The following TNC variants were observed in gnomAD, a reference collection of about 807,000 sequenced individuals.
The protein encoded by TNC is tenascin.
In TNC, 109 loss-of-function variants were observed where a neutral mutation model predicts 202.4. The ratio of observed to expected loss-of-function variants is 0.54; its 90% CI spans 0.46 to 0.63. TNC has a LOEUF of 0.63. TNC is among the 30% of genes least tolerant of loss of function. The pLI is 0.00. For missense variants in TNC, 2,756 were observed against 2,833.3 expected, an observed-to-expected ratio of 0.97 and a Z score of 0.62; for synonymous variants, 1,007 against 1,089.7, an observed-to-expected ratio of 0.92 and a Z score of 1.50.
chr9:115,070,967 C>G (rs568489433), intron 10 of TNC, among the ~76,000 whole-genome samples: 1 of 152,314 alleles, frequency 6.6e-6, no homozygotes, highest in Middle Eastern at 3.4e-3. Flanking sequence ...TAAGCCTTTC[C>G]TGATTCTCTG....
chr9:115,066,038 A>C (rs1054170352), intron 10 of TNC, among the ~76,000 whole-genome samples: 13 of 152,184 alleles, frequency 8.5e-5, no homozygotes, highest in African/African-American at 1.9e-4. Flanking sequence ...ATATTAGTAA[A>C]GATCAGAGAC....
intron 14 of TNC, 28 bp downstream of exon 14, chr9:115,059,702 A>G: frequency 1.3e-6 from 2 of 1,547,864 alleles, no homozygotes; most frequent in Non-Finnish European, 1.7e-6. Flanking sequence ...AACCTTGGGG[A>G]GAAAGCATTG....
In TNC at chr9:115,113,410, G is replaced by A. The variant is rs539029718; in HGVS notation, c.-137+4572C>T. On this transcript the variant is annotated intron_variant, in intron 1 of 27. Coordinates refer to ENST00000350763, the MANE Select transcript of TNC (RefSeq NM_002160.4). ...GGGTGGGTGATAAGACTTACTAGAA[G>A]CTATGGTTGACTAAATGGCATGATG... Among the ~76,000 whole-genome samples the A allele has an allele frequency of 1.6e-4, 24 of 152,268 alleles. No individual in the cohort carries two copies. In the East Asian group the frequency reaches 3.7e-3, roughly 23 times the overall value.
chr9:115,087,740 C>A (rs192048323), intron 2 of TNC, among the ~76,000 whole-genome samples: 1 of 136,192 alleles, frequency 7.3e-6, no homozygotes, highest in East Asian at 2.2e-4. Context: ...CTTGCTCTGT[C>A]GCCCAGGCTG....
chr9:115,066,588 A>C (rs1425944517), intron 10 of TNC, among the ~76,000 whole-genome samples: 1 of 152,188 alleles, frequency 6.6e-6, no homozygotes, highest in Non-Finnish European at 1.5e-5. Flanking sequence ...GTCAGAGCAT[A>C]CACTCCTTCA....
intron 15 of TNC, chr9:115,055,702 C>G (rs1173312318): frequency 1.3e-5 from 2 of 152,268 alleles, no homozygotes; most frequent in Admixed American, 1.3e-4. Context: ...ACACACTGCC[C>G]CAGGTCATGT....
intron 1 of TNC, among the ~76,000 whole-genome samples, chr9:115,106,511 C>T (rs1470772922): frequency 2.6e-5 from 4 of 152,142 alleles, no homozygotes; most frequent in Admixed American, 2.6e-4. Context: ...TTGGGGTTTA[C>T]ATAACTATTT....
intron 14 of TNC, 56 bp from the exon 15 acceptor site, chr9:115,057,481 G>T: frequency 6.6e-7 from 1 of 1,511,068 alleles, no homozygotes. Flanking sequence ...TAATTATTTG[G>T]CTGTGTTTTA....
At chr9:115,087,527 GGTGTGTGTGTGTGTGTGTGTGT>G (rs57327715) in intron 2 of TNC, among the ~76,000 whole-genome samples, 2 of 148,734 alleles carry the variant, frequency 1.3e-5, no homozygotes, top group African/African-American at 5.0e-5. Context: ...TATGCATAGG[GGTGTGTGTGTGTGTGTGTGTGT>G]GTGTGTGTGT....
At chr9:115,070,690 A>C (rs1038770822) in intron 10 of TNC, among the ~76,000 whole-genome samples, 1 of 152,224 alleles carries the variant, frequency 6.6e-6, no homozygotes, top group Non-Finnish European at 1.5e-5. Flanking sequence ...ACAGACATTG[A>C]GTGGCGCCTG....
At chr9:115,021,876 T>C (rs1829101673) in intron 27 of TNC, among the ~76,000 whole-genome samples, 1 of 152,196 alleles carries the variant, frequency 6.6e-6, no homozygotes, top group African/African-American at 2.4e-5. Flanking sequence ...ATGTTAGCCT[T>C]GAAAGATGAG....
At position 115,046,357 on chromosome 9, in the gene TNC, G is replaced by A. The variant is rs1179679608; in HGVS notation, c.5125+53C>T. The A allele has an allele frequency of 5.7e-6, 9 of 1,591,030 alleles. 1 individual carries two copies. The highest frequency in any genetic ancestry group is 5.6e-5 in the South Asian group (5 of 88,754). On this transcript the variant is annotated intron_variant, in intron 17 of 27. Coordinates refer to ENST00000350763, the MANE Select transcript of TNC (RefSeq NM_002160.4). ...CTGTGATTACTCAGCCCTGTGAGAA[G>A]AAGACCCCTGAGTCATGACTTTTCT...
At chr9:115,029,293 G>T in intron 25 of TNC, 67 bp downstream of exon 25, 1 of 1,430,972 alleles carries the variant, frequency 7.0e-7, no homozygotes, top group South Asian at 1.1e-5. Flanking sequence ...GGTCCCTGTG[G>T]GTTAGGAAAA....
intron 3 of TNC, 111 bp from the exon 4 acceptor site, chr9:115,084,583 C>T: frequency 7.6e-7 from 1 of 1,318,458 alleles, no homozygotes; most frequent in Non-Finnish European, 1.0e-6. Flanking sequence ...TGAAGATCTT[C>T]TGTTGCCTCT....
intron 26 of TNC, among the ~76,000 whole-genome samples, chr9:115,025,030 T>C (rs1829372888): frequency 6.6e-6 from 1 of 152,160 alleles, no homozygotes; most frequent in Non-Finnish European, 1.5e-5. Flanking sequence ...TAGATATTAA[T>C]GAAACAGGAT....
intron 19 of TNC, among the ~76,000 whole-genome samples, chr9:115,039,206 C>T (rs749066830): frequency 9.2e-5 from 14 of 152,106 alleles, no homozygotes; most frequent in African/African-American, 3.4e-4. Flanking sequence ...CTCTGGAGGC[C>T]GGTGGTCCCG....
intron 1 of TNC, among the ~76,000 whole-genome samples, chr9:115,112,185 G>T (rs891222233): frequency 6.6e-6 from 1 of 152,116 alleles, no homozygotes; most frequent in Non-Finnish European, 1.5e-5. Flanking sequence ...GATTGTCCCT[G>T]GCTTCCAAGA....
At chr9:115,105,187 A>G (rs1012076835) in intron 1 of TNC, among the ~76,000 whole-genome samples, 1 of 152,206 alleles carries the variant, frequency 6.6e-6, no homozygotes, top group Admixed American at 6.5e-5. Flanking sequence ...CTAGGACTGG[A>G]AGCAGGAAAC....
At chr9:115,061,940 G>GT (rs1398748263) in intron 13 of TNC, among the ~76,000 whole-genome samples, 2 of 152,144 alleles carry the variant, frequency 1.3e-5, no homozygotes, top group African/African-American at 2.4e-5. Flanking sequence ...CCTGCTTTTT[G>GT]TATCTGTTGA....
Sources: gnomAD v4.1 joint callset for allele counts (sites outside exome capture counted in the v4.1 genomes callset) on GRCh38, gnomAD v4.1.1 for gene constraint, MANE v1.5 for transcripts, NCBI Gene and HGNC (gene_info 2026-07-23, HGNC 2026-07-21) for gene names.